SPATA16: variants seen among roughly 807,000 people sequenced by gnomAD.
SPATA16 encodes spermatogenesis-associated protein 16.
SPATA16 carries 36 observed loss-of-function variants against 63.3 expected under a neutral mutation model. That is an observed-to-expected ratio of 0.57 (90% confidence interval 0.44 to 0.75). The LOEUF (loss-of-function observed/expected upper bound fraction) is 0.75. Ranked by LOEUF, SPATA16 falls within the 30% of genes least tolerant of loss-of-function variation. The probability of loss-of-function intolerance (pLI) is 0.00; values close to 1 mark genes in which losing one functional copy is unlikely to be tolerated. For missense variants in SPATA16, 646 were observed against 679.3 expected (o/e 0.95, Z 0.54); for synonymous variants, 203 against 216.7 (o/e 0.94, Z 0.56).
intron 1 of SPATA16, among the ~76,000 whole-genome samples, chr3:173,125,091 C>T (rs1441116799): frequency 6.6e-6 from 1 of 152,176 alleles, no homozygotes; most frequent in Non-Finnish European, 1.5e-5. Flanking sequence ...CAGCGGGTCT[C>T]CTAATTCCCA....
chr3:172,940,379 A>C (rs1236842871), intron 6 of SPATA16, among the ~76,000 whole-genome samples: 1 of 152,222 alleles, frequency 6.6e-6, no homozygotes, highest in Non-Finnish European at 1.5e-5. Flanking sequence ...ATCTTTGGAC[A>C]TCCAGTTGGT....
intron 2 of SPATA16, among the ~76,000 whole-genome samples, chr3:173,057,082 T>C (rs75368236): frequency 0.05 from 7,622 of 151,690 alleles, 239 homozygotes; most frequent in African/African-American, 0.074. Context: ...ATTGGTACCA[T>C]TTCAACTATA....
chr3:173,009,198 G>A (rs1281367351), intron 4 of SPATA16, among the ~76,000 whole-genome samples: 1 of 151,266 alleles, frequency 6.6e-6, no homozygotes, highest in Non-Finnish European at 1.5e-5. Flanking sequence ...AGAGAAAACA[G>A]TGGAGAGAAA....
At position 173,115,260 on chromosome 3, in the gene SPATA16, C is replaced by G. The variant is rs571629872; in HGVS notation, c.612+1860G>C. On this transcript the variant is annotated intron_variant, in intron 2 of 10. Coordinates refer to ENST00000351008, the MANE Select transcript of SPATA16 (RefSeq NM_031955.6). ...CAGATGTCTTTTGCTTTTACTTAAA[C>G]TTAATTTGAAGCTTTTACAGTAGCT... Among the ~76,000 whole-genome samples, 9 of 152,260 alleles carry G rather than the reference C, an allele frequency of 5.9e-5. 1 individual carries two copies. The East Asian group carries it at 1.4e-3, about 23-fold the overall frequency.
intron 1 of SPATA16, among the ~76,000 whole-genome samples, chr3:173,135,282 G>A (rs1738512880): frequency 6.6e-6 from 1 of 152,128 alleles, no homozygotes. Flanking sequence ...TCCACCAGAA[G>A]GCCAAAATTA....
intron 5 of SPATA16, among the ~76,000 whole-genome samples, chr3:172,967,893 A>G (rs1332680682): frequency 1.3e-5 from 2 of 152,218 alleles, no homozygotes; most frequent in African/African-American, 2.4e-5. Flanking sequence ...GGTGAGTTGT[A>G]TAATTATTTC....
chr3:172,924,570 C>T (rs1732685682), intron 7 of SPATA16, among the ~76,000 whole-genome samples: 2 of 152,144 alleles, frequency 1.3e-5, no homozygotes, highest in African/African-American at 4.8e-5. Flanking sequence ...ATCTAAGAGA[C>T]AGCCTATAAC....
At chr3:173,023,451 C>A (rs1372283178) in intron 3 of SPATA16, among the ~76,000 whole-genome samples, 1 of 151,884 alleles carries the variant, frequency 6.6e-6, no homozygotes, top group African/African-American at 2.4e-5. Context: ...AAACAACTGC[C>A]TAATGTCCTC....
At chr3:172,920,790 T>C (rs1203139536) in intron 8 of SPATA16, among the ~76,000 whole-genome samples, 3 of 152,226 alleles carry the variant, frequency 2.0e-5, no homozygotes, top group Non-Finnish European at 4.4e-5. Context: ...TTTAGAAATC[T>C]ACATATTTAT....
intron 6 of SPATA16, among the ~76,000 whole-genome samples, chr3:172,944,169 C>T (rs1733227205): frequency 1.3e-5 from 2 of 151,960 alleles, no homozygotes; most frequent in African/African-American, 4.8e-5. Flanking sequence ...AAAACAGCAA[C>T]AAAAAACAAC....
At chr3:173,025,201 A>G (rs1452989738) in intron 3 of SPATA16, among the ~76,000 whole-genome samples, 3 of 151,616 alleles carry the variant, frequency 2.0e-5, no homozygotes, top group African/African-American at 7.2e-5. Flanking sequence ...AAGAAATAAT[A>G]TATTTATTTC....
intron 9 of SPATA16, 25 bp from the exon 10 acceptor site, chr3:172,913,769 C>A: frequency 6.2e-7 from 1 of 1,602,026 alleles, no homozygotes; most frequent in Non-Finnish European, 8.5e-7. Flanking sequence ...TAAAAATTAT[C>A]AGTGTGGAAT....
At chr3:172,925,794 T>A (rs1233888576) in intron 6 of SPATA16, among the ~76,000 whole-genome samples, 2 of 152,136 alleles carry the variant, frequency 1.3e-5, no homozygotes, top group Non-Finnish European at 2.9e-5. Context: ...GCAGGCTTAT[T>A]ATTTTTTGCT....
At chr3:173,046,214 A>G (rs1735952509) in intron 3 of SPATA16, among the ~76,000 whole-genome samples, 1 of 152,076 alleles carries the variant, frequency 6.6e-6, no homozygotes, top group African/African-American at 2.4e-5. Context: ...TGAAGTGAGC[A>G]GAGATTGAAT....
intron 3 of SPATA16, among the ~76,000 whole-genome samples, chr3:173,048,479 TAAA>T (rs1736006296): frequency 6.6e-6 from 1 of 152,036 alleles, no homozygotes; most frequent in African/African-American, 2.4e-5. Flanking sequence ...AGGACAGAGA[TAAA>T]AAGTATTTCA....
chr3:173,018,237 T>TACA (rs1735236766), intron 4 of SPATA16, among the ~76,000 whole-genome samples: 1 of 152,072 alleles, frequency 6.6e-6, no homozygotes, highest in Non-Finnish European at 1.5e-5. Context: ...GGGAACATCT[T>TACA]ACAAACATGG....
At chr3:172,982,465 A>G (rs1734344030) in intron 4 of SPATA16, among the ~76,000 whole-genome samples, 5 of 152,238 alleles carry the variant, frequency 3.3e-5, no homozygotes, top group Admixed American at 3.3e-4. Context: ...TGATGCCTTC[A>G]GTCATATGTC....
intron 5 of SPATA16, among the ~76,000 whole-genome samples, chr3:172,959,423 C>T (rs531543039): frequency 3.9e-5 from 6 of 152,282 alleles, no homozygotes; most frequent in East Asian, 3.9e-4. Context: ...GGAGGGTATG[C>T]GCTGGAGAGC....
intron 10 of SPATA16, among the ~76,000 whole-genome samples, chr3:172,903,192 G>C (rs931661826): frequency 6.6e-6 from 1 of 152,154 alleles, no homozygotes; most frequent in East Asian, 1.9e-4. Context: ...GACATTTTTA[G>C]TAATTTAAAG....
Sources: allele counts gnomAD v4.1 joint callset (sites outside exome capture counted in the v4.1 genomes callset), GRCh38; gene constraint gnomAD v4.1.1; transcripts MANE v1.5; gene names NCBI Gene and HGNC (gene_info 2026-07-23, HGNC 2026-07-21).